The following ABCC4 variants were observed in gnomAD, a reference collection of about 807,000 sequenced individuals.
ABCC4 encodes the protein ATP-binding cassette sub-family C member 4.
Under a neutral mutation model 168.5 loss-of-function variants are expected in ABCC4, and 102 were observed. The ratio of observed to expected loss-of-function variants is 0.61; its 90% CI spans 0.52 to 0.71. The LOEUF (loss-of-function observed/expected upper bound fraction) is 0.71. ABCC4 is among the 30% of genes least tolerant of loss of function. The pLI, the probability that ABCC4 is intolerant of heterozygous loss-of-function variation, is 0.00. For synonymous variants in ABCC4, 617 were observed against 590.7 expected (o/e 1.04, Z -0.65); for missense variants, 1,402 against 1,605.8 (o/e 0.87, Z 2.17).
chr13:95,093,412 A>G (rs1594082793), intron 20 of ABCC4, among the ~76,000 whole-genome samples: 1 of 152,208 alleles, frequency 6.6e-6, no homozygotes, highest in East Asian at 1.9e-4. Flanking sequence ...AATGTGATAC[A>G]CCACATAAAC....
At chr13:95,040,016 G>A (rs1049962374) in intron 29 of ABCC4, among the ~76,000 whole-genome samples, 2 of 152,172 alleles carry the variant, frequency 1.3e-5, no homozygotes, top group East Asian at 1.9e-4. Flanking sequence ...GTCATCTGAC[G>A]TTGGAGATTG....
At chr13:95,035,036 T>C (rs2032058930) in intron 29 of ABCC4, among the ~76,000 whole-genome samples, 2 of 152,202 alleles carry the variant, frequency 1.3e-5, no homozygotes, top group Admixed American at 6.5e-5. Context: ...TGGGTTCTTA[T>C]CATTACTTAG....
intron 1 of ABCC4, among the ~76,000 whole-genome samples, chr13:95,274,554 C>A (rs943648811): frequency 5.9e-5 from 9 of 152,188 alleles, no homozygotes; most frequent in Non-Finnish European, 1.3e-4. Context: ...CACATGCACT[C>A]CCCTGCCCTG....
chr13:95,147,335 T>G (rs2036532766), intron 19 of ABCC4, among the ~76,000 whole-genome samples: 1 of 152,206 alleles, frequency 6.6e-6, no homozygotes, highest in Non-Finnish European at 1.5e-5. Context: ...TATAATTCCT[T>G]TAAATGTCTT....
intron 19 of ABCC4, among the ~76,000 whole-genome samples, chr13:95,127,248 C>T (rs967352464): frequency 5.3e-5 from 8 of 152,114 alleles, no homozygotes; most frequent in Middle Eastern, 3.4e-3. Flanking sequence ...ATCGTCTTTT[C>T]GAGATATTTA....
intron 1 of ABCC4, among the ~76,000 whole-genome samples, chr13:95,277,582 A>G (rs1219624849): frequency 6.6e-6 from 1 of 151,796 alleles, no homozygotes; most frequent in African/African-American, 2.4e-5. Context: ...ACTTCTCAAA[A>G]AAAAAAAAAA....
intron 1 of ABCC4, among the ~76,000 whole-genome samples, chr13:95,261,704 A>C (rs549403975): frequency 2.6e-5 from 4 of 152,232 alleles, no homozygotes; most frequent in Non-Finnish European, 5.9e-5. Flanking sequence ...GACTGAAGAC[A>C]GTAAGCTAGC....
chr13:95,102,473 G>C (rs1047407574), intron 20 of ABCC4, among the ~76,000 whole-genome samples: 1 of 151,936 alleles, frequency 6.6e-6, no homozygotes, highest in African/African-American at 2.4e-5. Context: ...TATAGAGAAG[G>C]GGGTCTCACT....
intron 26 of ABCC4, among the ~76,000 whole-genome samples, chr13:95,056,486 C>CA (rs1448979273): frequency 1.3e-5 from 2 of 152,010 alleles, no homozygotes; most frequent in Non-Finnish European, 2.9e-5. Context: ...TCTTTAGATA[C>CA]AAAAAGGTCA....
At chr13:95,155,615 C>T (rs900537453) in intron 19 of ABCC4, among the ~76,000 whole-genome samples, 8 of 151,980 alleles carry the variant, frequency 5.3e-5, no homozygotes, top group South Asian at 2.1e-4. Flanking sequence ...TTGAAGGCAT[C>T]GATGAACATA....
chr13:95,220,158 G>A (rs939025214), intron 4 of ABCC4, among the ~76,000 whole-genome samples: 4 of 148,546 alleles, frequency 2.7e-5, no homozygotes, highest in African/African-American at 7.4e-5. Flanking sequence ...GAACCAACGT[G>A]CCCAGCCTGC....
intron 4 of ABCC4, among the ~76,000 whole-genome samples, chr13:95,220,275 T>A (rs893653730): frequency 1.3e-5 from 2 of 152,190 alleles, no homozygotes; most frequent in Non-Finnish European, 2.9e-5. Context: ...CTAAGAATAC[T>A]TGGAGGAAGC....
At chr13:95,246,136 C>T (rs192993927) in intron 3 of ABCC4, among the ~76,000 whole-genome samples, 289 of 152,272 alleles carry the variant, frequency 1.9e-3, no homozygotes, top group Admixed American at 3.9e-3. Context: ...TCAAGAGAGG[C>T]CCTTCGGGGT....
In ABCC4 at chr13:95,071,778, G is replaced by T. The variant is rs2033732996; in HGVS notation, c.3094C>A (p.Pro1032Thr). ...ACTCCTTCATGGGGCCAGGCTGGTG[G>T]TGGGCGTTTCTGATATTCCCAAGGT... ...EAPWEYQKRPPPAWPHEGVII... is the reference protein window; with the variant it reads ...EAPWEYQKRPTPAWPHEGVII... The change falls in exon 25 of 31, where the codon CCA becomes ACA. Residue 1032 changes from proline to threonine, a missense_variant. This residue lies in a region of ABCC4 where 1,007 missense variants were observed against 1,127.3 expected (regional missense o/e 0.89). Transcript: ENST00000645237. The T allele has an allele frequency of 8.7e-6, 14 of 1,608,402 alleles. 1 individual carries two copies. The East Asian group carries it at 3.1e-4, about 36-fold the overall frequency.
At chr13:95,085,569 CATAA>C (rs1422975846) in intron 20 of ABCC4, among the ~76,000 whole-genome samples, 1 of 152,206 alleles carries the variant, frequency 6.6e-6, no homozygotes, top group African/African-American at 2.4e-5. Context: ...GAAAGTACAG[CATAA>C]ATAATCACTT....
At chr13:95,244,646 AAAGAAAGAAAG>A (rs2040052387) in intron 3 of ABCC4, among the ~76,000 whole-genome samples, 1 of 75,462 alleles carries the variant, frequency 1.3e-5, no homozygotes, top group Admixed American at 1.2e-4. Context: ...AGAAAGAAAG[AAAGAAAGAAAG>A]AAAGAAAGAA....
chr13:95,241,292 G>T (rs2039936419), intron 3 of ABCC4, among the ~76,000 whole-genome samples: 1 of 151,662 alleles, frequency 6.6e-6, no homozygotes, highest in Admixed American at 6.6e-5. Context: ...TTGAACCTGG[G>T]AGGCAGAGGT....
intron 1 of ABCC4, among the ~76,000 whole-genome samples, chr13:95,299,841 A>T (rs1363311632): frequency 1.3e-5 from 2 of 151,812 alleles, no homozygotes; most frequent in East Asian, 3.9e-4. Flanking sequence ...ATTCCCCCAC[A>T]CACACCCGCC....
At chr13:95,033,774 T>C (rs946221904) in intron 30 of ABCC4, among the ~76,000 whole-genome samples, 1 of 152,062 alleles carries the variant, frequency 6.6e-6, no homozygotes, top group Admixed American at 6.6e-5. Flanking sequence ...GTGATTCTTC[T>C]GCCTAGCCTC....
Sources: gnomAD v4.1 joint callset for allele counts (sites outside exome capture counted in the v4.1 genomes callset) on GRCh38, gnomAD v4.1.1 for gene constraint, gnomAD v4.1.1 regional missense constraint, MANE v1.5 for transcripts, NCBI Gene and HGNC (gene_info 2026-07-23, HGNC 2026-07-21) for gene names.